KRT222: variants seen among roughly 807,000 people sequenced by gnomAD.
KRT222 encodes keratin 222.
Under a neutral mutation model 35.0 loss-of-function variants are expected in KRT222, and 23 were observed. That is an observed-to-expected ratio of 0.66 (90% confidence interval 0.47 to 0.93). The LOEUF is 0.93. Among genes scored for constraint, KRT222 ranks in the 40% least tolerant of loss-of-function variants. KRT222 has a pLI of 0.00. For synonymous variants in KRT222, 108 were observed against 118.8 expected, an observed-to-expected ratio of 0.91 and a Z score of 0.59; for missense variants, 339 against 346.3, an observed-to-expected ratio of 0.98 and a Z score of 0.17.
At chr17:40,658,573 C>A (rs1182676550) in intron 3 of KRT222, among the ~76,000 whole-genome samples, 1 of 152,126 alleles carries the variant, frequency 6.6e-6, no homozygotes, top group Non-Finnish European at 1.5e-5. Context: ...GTATTATTCC[C>A]ATTTTACAGA....
At chr17:40,662,657 G>A (rs1370051312) in intron 1 of KRT222, among the ~76,000 whole-genome samples, 1 of 152,114 alleles carries the variant, frequency 6.6e-6, no homozygotes, top group African/African-American at 2.4e-5. Context: ...TTAATTTTGG[G>A]TATCTGGGTA....
chr17:40,658,337 T>C (rs1053359301), intron 3 of KRT222, among the ~76,000 whole-genome samples: 1 of 152,166 alleles, frequency 6.6e-6, no homozygotes. Context: ...CCATTCATTT[T>C]ATTTAACAAT....
intron 1 of KRT222, among the ~76,000 whole-genome samples, chr17:40,663,417 C>T (rs1472904191): frequency 6.6e-6 from 1 of 152,116 alleles, no homozygotes; most frequent in Non-Finnish European, 1.5e-5. Flanking sequence ...AGCCTTGGGC[C>T]AATATGCAAG....
intron 5 of KRT222, 121 bp from the exon 6 acceptor site, chr17:40,656,751 T>G: frequency 1.8e-6 from 1 of 570,726 alleles, no homozygotes; most frequent in Non-Finnish European, 3.1e-6. Flanking sequence ...TGTATAGAAT[T>G]TATAATGTAC....
rs745471296 is a variant in KRT222, at chr17:40,656,440, TG to T, written c.849del (p.Cys283Ter). The T allele has an allele frequency of 1.2e-6, 2 of 1,613,808 alleles. No individual in the cohort carries two copies. The highest frequency in any genetic ancestry group is 1.7e-6 in the Non-Finnish European group (2 of 1,179,752). ...GATGGAGGTTTGATAGAGGGAATAC[TG>T]CATGATCTTCTCATGATAAGCCTGA... Reference protein sequence around the residue: ...IEVRLIMRRSCSIPSIKPPST... With the variant: ...IEVRLIMRRSXSIPSIKPPST... On this transcript the variant is annotated frameshift_variant, in exon 6 of 6. Coordinates refer to ENST00000394052, the MANE Select transcript of KRT222 (RefSeq NM_152349.3). LOFTEE classifies it high-confidence loss of function.
rs1423775761 is a variant in KRT222, at chr17:40,657,660, TG to T, written c.523+13del. 1 of 1,603,910 alleles carries T rather than the reference TG, an allele frequency of 6.2e-7. No homozygotes were observed. Among genetic ancestry groups the T allele is most frequent in the African/African-American group, 1.3e-5 (1 of 74,708 alleles). On this transcript the variant is annotated intron_variant, in intron 4 of 5. Coordinates refer to ENST00000394052, the MANE Select transcript of KRT222 (RefSeq NM_152349.3). ...ATCACTTTTCAAATGAGTTTATTTA[TG>T]TCAGAAACTCACCTGATGGTAAAAC...
chr17:40,657,516 A>C (rs759194673), intron 4 of KRT222, 29 bp from the exon 5 acceptor site: 7 of 1,545,686 alleles, frequency 4.5e-6, no homozygotes, highest in Non-Finnish European at 5.3e-6. Context: ...TGATATATTA[A>C]ATTACAGTAT....
chr17:40,664,234 G>C (rs1322146574), intron 1 of KRT222, among the ~76,000 whole-genome samples: 3 of 152,084 alleles, frequency 2.0e-5, no homozygotes, highest in Non-Finnish European at 4.4e-5. Flanking sequence ...TTGTAAATTT[G>C]TTTAAAGACT....
intron 1 of KRT222, among the ~76,000 whole-genome samples, chr17:40,663,249 T>C (rs2037397549): frequency 6.6e-6 from 1 of 152,200 alleles, no homozygotes; most frequent in African/African-American, 2.4e-5. Context: ...TAAAGAAGTC[T>C]ATCTCCCAAG....
intron 2 of KRT222, 121 bp from the exon 3 acceptor site, chr17:40,660,328 T>C (rs1239489725): frequency 1.3e-6 from 1 of 743,522 alleles, no homozygotes; most frequent in Non-Finnish European, 2.2e-6. Flanking sequence ...TTGCCCAGAG[T>C]GTAGTGCAAT....
At chr17:40,656,759 T>C in intron 5 of KRT222, 129 bp from the exon 6 acceptor site, 1 of 549,706 alleles carries the variant, frequency 1.8e-6, no homozygotes, top group Non-Finnish European at 3.2e-6. Context: ...ATTTATAATG[T>C]ACATACTTTA....
rs1312226670 is a variant in KRT222 at position 40,657,400 on chromosome 17, A to G, written c.611T>C (p.Leu204Ser). ...NVETVTKQAI[L>S]NGSIVKESTE... Reference sequence around the variant, plus strand: ...GCTCTCCTTAACGATACTCCCATTTAAGATTGCCTGTTTGGTTACTGTTTC... The same window carrying G: ...GCTCTCCTTAACGATACTCCCATTTGAGATTGCCTGTTTGGTTACTGTTTC... Residue 204 changes from leucine to serine, a missense_variant, in exon 5 of 6, where the codon TTA becomes TCA. Coordinates refer to ENST00000394052, the MANE Select transcript of KRT222 (RefSeq NM_152349.3). 6.2e-7 allele frequency: 1 copy of G among 1,611,182 alleles called. No homozygotes were observed. Among genetic ancestry groups the G allele is most frequent in the South Asian group, 1.1e-5 (1 of 90,616 alleles).
Position 40,657,391 on chromosome 17 carries a change from C to G in KRT222, c.620G>C (p.Ser207Thr). 3.1e-6 allele frequency: 5 copies of G among 1,610,534 alleles called. No individual in the cohort carries two copies. The highest frequency in any genetic ancestry group is 4.2e-6 in the Non-Finnish European group (5 of 1,178,594). ...AGCTTCAGTGCTCTCCTTAACGATA[C>G]TCCCATTTAAGATTGCCTGTTTGGT... ...TVTKQAILNG[S>T]IVKESTEAHG... The change falls in exon 5 of 6, where the codon AGT becomes ACT. Residue 207 changes from serine (S) to threonine (T), a missense_variant. Ser to Thr is a moderately conservative substitution (Grantham distance 58). Coordinates refer to ENST00000394052, the MANE Select transcript of KRT222 (RefSeq NM_152349.3).
chr17:40,665,131 A>G lies in KRT222; in HGVS notation c.-32T>C, dbSNP rs1302083255. Reference sequence around the variant, plus strand: ...CCCATCCTCCACCTTGGCTAACTGAACCTTATCGATAGGATGAGTCGCTGC... The same window carrying G: ...CCCATCCTCCACCTTGGCTAACTGAGCCTTATCGATAGGATGAGTCGCTGC... On this transcript the variant is annotated 5_prime_UTR_variant, in exon 1 of 6. Transcript: ENST00000394052. 6.2e-7 allele frequency: 1 copy of G among 1,605,476 alleles called. No homozygotes were observed. Among genetic ancestry groups the G allele is most frequent in the Non-Finnish European group, 8.5e-7 (1 of 1,173,402 alleles).
In KRT222 at chr17:40,656,184, C is replaced by A; in HGVS notation, c.*218G>T. The A allele has an allele frequency of 2.4e-6, 1 of 408,546 alleles. No individual in the cohort carries two copies. The highest frequency in any genetic ancestry group is 7.0e-5 in the South Asian group (1 of 14,260). 25.3% of individuals were successfully genotyped at this position (408,546 alleles called of 1,614,324 possible). A position where few individuals can be genotyped will look rare whatever the true frequency, so the allele number is the denominator to read the frequency against. On this transcript the variant is annotated 3_prime_UTR_variant, in exon 6 of 6. Transcript: ENST00000394052. ...CTGGATTTGTGATTTTATTTTTAAG[C>A]TACTCCCTCTCATTCATATATATAT...
intron 3 of KRT222, 132 bp downstream of exon 3, chr17:40,659,855 A>C: frequency 1.3e-6 from 1 of 757,134 alleles, no homozygotes; most frequent in Non-Finnish European, 2.3e-6. Context: ...TGCATACCTT[A>C]TTGTATGGGC....
At chr17:40,657,885 A>G (rs2037356641) in intron 3 of KRT222, 135 bp from the exon 4 acceptor site, 2 of 601,178 alleles carry the variant, frequency 3.3e-6, no homozygotes, top group South Asian at 4.8e-5. Flanking sequence ...CTAAGGCTTC[A>G]CCGTATCTTT....
At chr17:40,659,843 A>C in intron 3 of KRT222, 144 bp downstream of exon 3, 4 of 711,514 alleles carry the variant, frequency 5.6e-6, no homozygotes, top group Non-Finnish European at 7.4e-6. Flanking sequence ...TATTCTTTGC[A>C]GTGCATACCT....
chr17:40,656,521 CT>C lies in KRT222; in HGVS notation c.768del (p.Ala257ProfsTer7), dbSNP rs2037345361. ...SVSLRFDLHLAATDEGCLETK... is the reference protein window; with the variant it reads ...SVSLRFDLHLXATDEGCLETK... ...GTCTCTAAACACCCTTCATCAGTGGCTGCTAAATGAAGATCAAATCGAAGAG... is the reference window on the plus strand; with the variant it reads ...GTCTCTAAACACCCTTCATCAGTGGCGCTAAATGAAGATCAAATCGAAGAG... On this transcript the variant is annotated frameshift_variant, in exon 6 of 6. Coordinates refer to ENST00000394052, the MANE Select transcript of KRT222 (RefSeq NM_152349.3). LOFTEE classifies it high-confidence loss of function. 2 of 1,612,870 alleles carry C rather than the reference CT, an allele frequency of 1.2e-6. No individual in the cohort carries two copies. Among genetic ancestry groups the C allele is most frequent in the South Asian group, 2.2e-5 (2 of 91,060 alleles).
Sources: allele counts gnomAD v4.1 joint callset (sites outside exome capture counted in the v4.1 genomes callset), GRCh38; gene constraint gnomAD v4.1.1; transcripts MANE v1.5; gene names NCBI Gene and HGNC (gene_info 2026-07-23, HGNC 2026-07-21).